Variants in UBR4 observed in about 807,000 individuals in gnomAD.
UBR4 encodes the protein ubiquitin protein ligase E3 component n-recognin 4, also known as E3 ubiquitin-protein ligase UBR4.
Under a neutral mutation model 575.6 loss-of-function variants are expected in UBR4, and 124 were observed. That is an observed-to-expected ratio of 0.22 (90% confidence interval 0.19 to 0.25). UBR4 has a LOEUF of 0.25. UBR4 is among the 10% of genes least tolerant of loss of function. UBR4 has a pLI of 1.00. For missense variants in UBR4, 4,818 were observed against 6,478.8 expected, an observed-to-expected ratio of 0.74 and a Z score of 8.80; for synonymous variants, 2,455 against 2,473.7, an observed-to-expected ratio of 0.99 and a Z score of 0.22.
intron 29 of UBR4, among the ~76,000 whole-genome samples, chr1:19,166,015 T>TCCTAATCC (rs1200171994): frequency 2.0e-5 from 3 of 152,238 alleles, no homozygotes; most frequent in African/African-American, 7.2e-5. Context: ...TAAAGCTCAG[T>TCCTAATCC]CCTAATCCAG....
In UBR4 at chr1:19,157,851, G is replaced by A. The variant is rs1224783561; in HGVS notation, c.5724C>T (p.Arg1908=). The stretch of plus-strand genomic sequence containing the variant: ...CATGGCTGACAGCCAAATGTTGGCG[G>A]CGCCCATGGGGAGAGGAGAGCACAC... The part of the protein sequence containing the change: ...AMCVLSSPHG[R]RQHLAVSHEK... Residue 1908 remains arginine (R), a synonymous_variant, in exon 40 of 106, where the codon CGC becomes CGT. Transcript: ENST00000375254. This position sits in a 1 kb window ranked among gnomAD's most constrained non-coding sequence, Gnocchi z 4.4. 1.9e-6 allele frequency: 3 copies of A among 1,614,154 alleles called. No homozygotes were observed. The highest frequency in any genetic ancestry group is 2.5e-6 in the Non-Finnish European group (3 of 1,179,984).
At chr1:19,128,938 A>T (rs1327132575) in intron 61 of UBR4, 40 bp downstream of exon 61, 1 of 1,586,308 alleles carries the variant, frequency 6.3e-7, no homozygotes, top group Admixed American at 1.7e-5. Context: ...AGGACGGTCC[A>T]ATCATGACCT....
At chr1:19,146,323 A>G (rs1483779757) in intron 52 of UBR4, among the ~76,000 whole-genome samples, 3 of 152,204 alleles carry the variant, frequency 2.0e-5, no homozygotes, top group Admixed American at 2.0e-4. Context: ...GGAGCATGTA[A>G]ATAACACAGA....
intron 20 of UBR4, 135 bp downstream of exon 20, chr1:19,176,456 CA>C: frequency 2.0e-6 from 2 of 1,017,074 alleles, no homozygotes; most frequent in Middle Eastern, 6.5e-4. Flanking sequence ...TGTTTTAATC[CA>C]TAGGTGATTT....
chr1:19,186,698 A>C, intron 13 of UBR4, 41 bp from the exon 14 acceptor site: 1 of 1,586,942 alleles, frequency 6.3e-7, no homozygotes, highest in Non-Finnish European at 8.6e-7. Context: ...CATCCTATTT[A>C]ATCTCATGCA....
intron 15 of UBR4, 33 bp downstream of exon 15, chr1:19,185,066 C>T (rs532783042): frequency 8.1e-6 from 13 of 1,613,320 alleles, no homozygotes; most frequent in Non-Finnish European, 1.1e-5. Context: ...TCCCCATGTC[C>T]ACTTCCCCTA....
chr1:19,199,073 T>C, intron 3 of UBR4, 145 bp from the exon 4 acceptor site: 2 of 911,230 alleles, frequency 2.2e-6, no homozygotes, highest in Non-Finnish European at 3.3e-6. Flanking sequence ...CTGATGTCCT[T>C]AGACCGTATG....
At chr1:19,098,645 C>T (rs573749529) in intron 90 of UBR4, among the ~76,000 whole-genome samples, 1 of 152,160 alleles carries the variant, frequency 6.6e-6, no homozygotes, top group African/African-American at 2.4e-5. Flanking sequence ...AGTGCAACAA[C>T]GACCCCACTG....
rs2083566197 is a variant in UBR4 at position 19,139,330 on chromosome 1, A to G, written c.8594-110T>C. The G allele has an allele frequency of 7.4e-7, 1 of 1,355,398 alleles. No individual in the cohort carries two copies. The highest frequency in any genetic ancestry group is 1.8e-5 in the South Asian group (1 of 56,424). 84.0% of individuals were successfully genotyped at this position (1,355,398 alleles called of 1,614,324 possible). The stretch of plus-strand genomic sequence containing the variant: ...ATGAAAGCATCAAACCACATAGTGC[A>G]TAGGACACAATGCAGTTTATATATC... On this transcript the variant is annotated intron_variant, in intron 58 of 105. Transcript: ENST00000375254. The surrounding 1 kb of genome is among the most constrained non-coding windows in gnomAD (Gnocchi z 4.2).
intron 102 of UBR4, among the ~76,000 whole-genome samples, chr1:19,082,523 G>C (rs564576522): frequency 3.9e-5 from 6 of 152,192 alleles, no homozygotes; most frequent in African/African-American, 1.4e-4. Context: ...CACGCTTCTG[G>C]GTACACTCTC....
At chr1:19,076,259 C>T (rs1301604074) in intron 105 of UBR4, among the ~76,000 whole-genome samples, 2 of 152,362 alleles carry the variant, frequency 1.3e-5, no homozygotes, top group Non-Finnish European at 1.5e-5. Context: ...CCTGCTGGGT[C>T]GCCCATGCCT....
At chr1:19,175,756 C>T (rs1048768164) in intron 20 of UBR4, among the ~76,000 whole-genome samples, 2 of 152,174 alleles carry the variant, frequency 1.3e-5, no homozygotes, top group Admixed American at 6.5e-5. Context: ...TGGCCAGACA[C>T]GAGGATTCTG....
intron 11 of UBR4, among the ~76,000 whole-genome samples, chr1:19,190,309 AAAAATAT>A (rs1181734027): frequency 1.7e-5 from 2 of 121,180 alleles, no homozygotes; most frequent in Admixed American, 9.1e-5. Context: ...AAAAAAAAAA[AAAAATAT>A]ATATATATAT....
chr1:19,187,172 AG>A lies in UBR4; in HGVS notation c.1623del (p.Tyr542ThrfsTer15), dbSNP rs2091630298. The A allele has an allele frequency of 6.2e-7, 1 of 1,608,636 alleles. No homozygotes were observed. The highest frequency in any genetic ancestry group is 1.3e-5 in the African/African-American group (1 of 74,764). On this transcript the variant is annotated frameshift_variant, in exon 13 of 106. Transcript: ENST00000375254. LOFTEE classifies it high-confidence loss of function. ...GCTTAACTCCCACCCACCTTTCTGT[AG>A]GAAGTTGAAAGTAACGTCAAGAGCA... ...MNLLLTLLST[S>X]YRKACVLQRQ...
chr1:19,133,229 A>G (rs182550067), intron 60 of UBR4, among the ~76,000 whole-genome samples: 27 of 152,334 alleles, frequency 1.8e-4, no homozygotes, highest in African/African-American at 4.8e-4. Context: ...TCATGACTAA[A>G]TAGGCTTAAT....
chr1:19,115,919 T>C (rs1276733339), intron 73 of UBR4, among the ~76,000 whole-genome samples: 1 of 152,212 alleles, frequency 6.6e-6, no homozygotes, highest in Non-Finnish European at 1.5e-5. Flanking sequence ...AGGGAAACCA[T>C]GACTCCAAAA....
rs1454550880 is a variant in UBR4 at position 19,165,344 on chromosome 1, TCTC to T, written c.4214_4216del (p.Gly1405del). On this transcript the variant is annotated inframe_deletion and splice_region_variant, in exon 31 of 106. Transcript: ENST00000375254. The stretch of plus-strand genomic sequence containing the variant: ...TGTTGCCATCATGATCTGTACAAGT[TCTC>T]CACTGGGAGGCAAGATGGGAGAAAA... 2 of 1,612,514 alleles carry T rather than the reference TCTC, an allele frequency of 1.2e-6. No individual in the cohort carries two copies. The highest frequency in any genetic ancestry group is 2.7e-5 in the African/African-American group (2 of 74,960).
chr1:19,209,014 C>A (rs567151133), intron 1 of UBR4, among the ~76,000 whole-genome samples: 1 of 152,304 alleles, frequency 6.6e-6, no homozygotes, highest in South Asian at 2.1e-4. Context: ...CCAAACTCAA[C>A]CATTATTTTA....
chr1:19,201,868 C>T, intron 1 of UBR4, 53 bp from the exon 2 acceptor site: 2 of 1,473,488 alleles, frequency 1.4e-6, no homozygotes, highest in Non-Finnish European at 1.9e-6. Context: ...TACTATGTGC[C>T]AGATACCCCT....
Sources: gnomAD v4.1 joint callset for allele counts (sites outside exome capture counted in the v4.1 genomes callset) on GRCh38, gnomAD v4.1.1 for gene constraint, Gnocchi (gnomAD v3.1) non-coding constraint, MANE v1.5 for transcripts, NCBI Gene and HGNC (gene_info 2026-07-23, HGNC 2026-07-21) for gene names.